The following DNAAF9 variants were observed in gnomAD, a reference collection of about 807,000 sequenced individuals.
DNAAF9 encodes dynein axonemal assembly factor 9.
Under a neutral mutation model 167.0 loss-of-function variants are expected in DNAAF9, and 90 were observed. The ratio of observed to expected loss-of-function variants is 0.54; its 90% CI spans 0.45 to 0.64. DNAAF9 has a LOEUF of 0.64. Among genes scored for constraint, DNAAF9 ranks in the 30% least tolerant of loss-of-function variants. DNAAF9 has a pLI of 0.00. For missense variants in DNAAF9, 1,315 were observed against 1,442.2 expected, an observed-to-expected ratio of 0.91 and a Z score of 1.43; for synonymous variants, 491 against 508.8, an observed-to-expected ratio of 0.96 and a Z score of 0.47.
rs185291352 is a variant in DNAAF9, at chr20:3,317,830, C to G, written c.1468+459G>C. Reference sequence around the variant, plus strand: ...CAGGCTGGTCTCAAACTCCTGACCTCAAGTGATTCGCCCACCTTGGGCTCC... The same window carrying G: ...CAGGCTGGTCTCAAACTCCTGACCTGAAGTGATTCGCCCACCTTGGGCTCC... On this transcript the variant is annotated intron_variant, in intron 17 of 36. Transcript: ENST00000252032. Among the ~76,000 whole-genome samples the G allele has an allele frequency of 1.8e-4, 27 of 152,280 alleles. No individual in the cohort carries two copies. In the East Asian group the frequency reaches 5.0e-3, roughly 28 times the overall value.
intron 6 of DNAAF9, 109 bp from the exon 7 acceptor site, chr20:3,359,702 C>T (rs556576762): frequency 1.4e-6 from 1 of 702,128 alleles, no homozygotes; most frequent in African/African-American, 1.8e-5. Flanking sequence ...CTAGTGTGAA[C>T]AGAATAATAA....
chr20:3,284,415 C>G (rs2068815874), intron 27 of DNAAF9, among the ~76,000 whole-genome samples: 1 of 152,076 alleles, frequency 6.6e-6, no homozygotes, highest in Non-Finnish European at 1.5e-5. Flanking sequence ...CTCCTGAGCT[C>G]AAGTGATTCA....
chr20:3,382,741 T>C (rs559505487), intron 1 of DNAAF9, among the ~76,000 whole-genome samples: 47 of 152,344 alleles, frequency 3.1e-4, no homozygotes, highest in African/African-American at 1.1e-3. Flanking sequence ...TCTGACCTGC[T>C]GATTACGAAC....
chr20:3,316,913 G>GA, intron 17 of DNAAF9, 120 bp from the exon 18 acceptor site: 1 of 345,970 alleles, frequency 2.9e-6, no homozygotes, highest in Non-Finnish European at 4.9e-6. Context: ...TTTTTTTTTT[G>GA]AGACAGAATC....
intron 29 of DNAAF9, among the ~76,000 whole-genome samples, chr20:3,271,234 A>G (rs1409104177): frequency 6.6e-6 from 1 of 152,178 alleles, no homozygotes; most frequent in Non-Finnish European, 1.5e-5. Context: ...ACCAGTTCAG[A>G]ACAACACAAT....
intron 12 of DNAAF9, among the ~76,000 whole-genome samples, chr20:3,329,058 C>T (rs1243314984): frequency 7.9e-5 from 12 of 151,750 alleles, no homozygotes; most frequent in African/African-American, 2.2e-4. Context: ...TTAGTAGAGA[C>T]GGGGTTTTGC....
chr20:3,381,232 C>T (rs1409532992), intron 3 of DNAAF9, 147 bp downstream of exon 3: 13 of 566,484 alleles, frequency 2.3e-5, no homozygotes, highest in African/African-American at 5.8e-5. Context: ...AGAAAAAATG[C>T]CGTTTTTTTC....
chr20:3,376,144 G>A, intron 4 of DNAAF9, 34 bp downstream of exon 4: 2 of 1,596,968 alleles, frequency 1.3e-6, no homozygotes, highest in Non-Finnish European at 1.7e-6. Flanking sequence ...TTCTTAGAGT[G>A]TCTCTAGGTG....
rs571738751 is a variant in DNAAF9, at chr20:3,367,786, G to T, written c.612+6262C>A. On this transcript the variant is annotated intron_variant, in intron 6 of 36. Coordinates refer to ENST00000252032, the MANE Select transcript of DNAAF9 (RefSeq NM_001009984.3). ...TTATCATAACAGATATAATAAAAAT[G>T]AAAAAGCTTGAAATATTATGAGAAT... 2.6e-5 allele frequency among the ~76,000 whole-genome samples: 4 copies of T among 151,688 alleles called. No homozygotes were observed. In the South Asian group the frequency reaches 8.3e-4, roughly 32 times the overall value.
chr20:3,280,333 T>C (rs1377182014), intron 28 of DNAAF9, among the ~76,000 whole-genome samples: 6 of 151,968 alleles, frequency 3.9e-5, no homozygotes. Flanking sequence ...GAGGCTGAGA[T>C]GGGCAGATCA....
intron 1 of DNAAF9, among the ~76,000 whole-genome samples, chr20:3,393,401 A>G (rs575278310): frequency 1.3e-5 from 2 of 152,052 alleles, no homozygotes; most frequent in Non-Finnish European, 2.9e-5. Flanking sequence ...GGTCCCAGCT[A>G]CTCAGGAGGC....
intron 29 of DNAAF9, among the ~76,000 whole-genome samples, chr20:3,272,568 T>C (rs1428363829): frequency 6.6e-6 from 1 of 152,202 alleles, no homozygotes; most frequent in Non-Finnish European, 1.5e-5. Flanking sequence ...CACTTTTATA[T>C]CTTTAAAGAG....
chr20:3,259,818 TAAG>T, intron 32 of DNAAF9, 101 bp downstream of exon 32: 1 of 747,666 alleles, frequency 1.3e-6, no homozygotes, highest in Admixed American at 2.3e-5. Flanking sequence ...TTTCAAAAGG[TAAG>T]AAGACATACA....
At chr20:3,396,220 C>T (rs1176335916) in intron 1 of DNAAF9, among the ~76,000 whole-genome samples, 1 of 152,174 alleles carries the variant, frequency 6.6e-6, no homozygotes, top group African/African-American at 2.4e-5. Context: ...AATACAGAGT[C>T]CGTTACATTT....
chr20:3,256,299 T>C (rs2068279487), intron 33 of DNAAF9, 88 bp from the exon 34 acceptor site: 2 of 956,966 alleles, frequency 2.1e-6, no homozygotes, highest in South Asian at 1.4e-5. Context: ...ATGGTTGGGA[T>C]AGATTCATGA....
In DNAAF9 at chr20:3,407,601, G is replaced by A. The variant is rs2084083242; in HGVS notation, c.-44C>T. On this transcript the variant is annotated 5_prime_UTR_variant, in exon 1 of 37. Coordinates refer to ENST00000252032, the MANE Select transcript of DNAAF9 (RefSeq NM_001009984.3). ...GCGGAGGAGGACGGTGCAGCTGCGA[G>A]GGTCTCAGTTGCCCGCAGGGCGGCT... 3 of 1,212,068 alleles carry A rather than the reference G, an allele frequency of 2.5e-6. No homozygotes were observed. Among genetic ancestry groups the A allele is most frequent in the Admixed American group, 4.4e-5 (1 of 22,880 alleles). 75.1% of individuals were successfully genotyped at this position (1,212,068 alleles called of 1,614,324 possible). A position where few individuals can be genotyped will look rare whatever the true frequency, so the allele number is the denominator to read the frequency against.
At chr20:3,266,468 CTTTTGT>C (rs1289630402) in intron 30 of DNAAF9, among the ~76,000 whole-genome samples, 1 of 151,958 alleles carries the variant, frequency 6.6e-6, no homozygotes, top group Non-Finnish European at 1.5e-5. Flanking sequence ...TTTTCTAGTT[CTTTTGT>C]TTTTGTTTTT....
At position 3,329,990 on chromosome 20, in the gene DNAAF9, T is replaced by C. The variant is rs187587680; in HGVS notation, c.1100+656A>G. On this transcript the variant is annotated intron_variant, in intron 12 of 36. Transcript: ENST00000252032. ...CAGAGAAAGACACTCTTCAGACCAG[T>C]TGGGGTTTCACATGATTCTCCCAAT... Among the ~76,000 whole-genome samples the C allele has an allele frequency of 5.3e-5, 8 of 152,326 alleles. No homozygotes were observed. In the East Asian group the frequency reaches 9.6e-4, roughly 18 times the overall value.
chr20:3,296,925 C>A lies in DNAAF9; in HGVS notation c.1954G>T (p.Asp652Tyr). 6.2e-7 allele frequency: 1 copy of A among 1,609,700 alleles called. No homozygotes were observed. Among genetic ancestry groups the A allele is most frequent in the Non-Finnish European group, 8.5e-7 (1 of 1,176,052 alleles). Residue 652 changes from aspartate (D) to tyrosine (Y), a missense_variant, in exon 23 of 37, where the codon GAT becomes TAT. Asp to Tyr is a radical substitution (Grantham distance 160). Around this residue, in one of 2 missense-constraint regions of DNAAF9, gnomAD observed 981 missense variants for 1,012.5 expected, o/e 0.97. Coordinates refer to ENST00000252032, the MANE Select transcript of DNAAF9 (RefSeq NM_001009984.3). The stretch of plus-strand genomic sequence containing the variant: ...ACTTTTAAAGAGATCCCTGAGTTAT[C>A]CTGCTGTTTCCAGAGGGAGAAGACC... ...SEVFSLWKQQ[D>Y]NSGISLKVIQ...
Sources: gnomAD v4.1 joint callset for allele counts (sites outside exome capture counted in the v4.1 genomes callset) on GRCh38, gnomAD v4.1.1 for gene constraint, gnomAD v4.1.1 regional missense constraint, MANE v1.5 for transcripts, NCBI Gene and HGNC (gene_info 2026-07-23, HGNC 2026-07-21) for gene names.